The following GABBR2 variants were observed in gnomAD, a reference collection of about 807,000 sequenced individuals.
GABBR2 encodes gamma-aminobutyric acid type B receptor subunit 2.
GABBR2 carries 23 observed loss-of-function variants against 105.6 expected under a neutral mutation model. The observed-to-expected ratio is 0.22, with a 90% CI of 0.16 to 0.31. The LOEUF (loss-of-function observed/expected upper bound fraction) is 0.31. Among genes scored for constraint, GABBR2 ranks in the 10% least tolerant of loss-of-function variants. The pLI is 1.00. For synonymous variants in GABBR2, 478 were observed against 499.7 expected, an observed-to-expected ratio of 0.96 and a Z score of 0.58; for missense variants, 734 against 1,245.5, an observed-to-expected ratio of 0.59 and a Z score of 6.18.
At chr9:98,340,576 T>C (rs1027657956) in intron 13 of GABBR2, among the ~76,000 whole-genome samples, 2 of 152,208 alleles carry the variant, frequency 1.3e-5, no homozygotes, top group African/African-American at 4.8e-5. Flanking sequence ...TGTGTGTTTC[T>C]CTGATAGCAT....
rs1588164787 is a variant in GABBR2 at position 98,445,032 on chromosome 9, A to G, written c.1236+8949T>C. 3.3e-5 allele frequency among the ~76,000 whole-genome samples: 5 copies of G among 152,384 alleles called. No homozygotes were observed. The South Asian group carries it at 1.0e-3, about 32-fold the overall frequency. On this transcript the variant is annotated intron_variant, in intron 7 of 18. Transcript: ENST00000259455. ...AGTTCTGATTATTTATCGGGTTGAAAAAGTCTTTTTAGTTTATAGATGCCT... is the reference window on the plus strand; with the variant it reads ...AGTTCTGATTATTTATCGGGTTGAAGAAGTCTTTTTAGTTTATAGATGCCT...
chr9:98,670,263 G>A (rs545326870), intron 1 of GABBR2, among the ~76,000 whole-genome samples: 3 of 147,542 alleles, frequency 2.0e-5, no homozygotes, highest in Non-Finnish European at 3.0e-5. Flanking sequence ...GAACATTTTC[G>A]TCACCTCAAA....
chr9:98,457,893 G>A lies in GABBR2; in HGVS notation c.1000-3676C>T, dbSNP rs139057880. 1.1e-3 allele frequency among the ~76,000 whole-genome samples: 169 copies of A among 152,292 alleles called. 2 individuals are homozygous for A. The highest frequency in any genetic ancestry group is 3.5e-3 in the African/African-American group (146 of 41,574). The stretch of plus-strand genomic sequence containing the variant: ...TCAAGGCAGAAGAATTTCTTCCATC[G>A]TAAAGCTGACACCGAATGCTGATTA... On this transcript the variant is annotated intron_variant, in intron 6 of 18. Coordinates refer to ENST00000259455, the MANE Select transcript of GABBR2 (RefSeq NM_005458.8).
At chr9:98,329,966 C>A (rs1371903249) in intron 13 of GABBR2, among the ~76,000 whole-genome samples, 1 of 152,038 alleles carries the variant, frequency 6.6e-6, no homozygotes, top group Non-Finnish European at 1.5e-5. Flanking sequence ...ATGTACATAA[C>A]CACAATATTA....
At chr9:98,500,453 G>A (rs1232610575) in intron 3 of GABBR2, among the ~76,000 whole-genome samples, 1 of 152,210 alleles carries the variant, frequency 6.6e-6, no homozygotes, top group African/African-American at 2.4e-5. Flanking sequence ...AGATTGACAG[G>A]GAGTGAGGAG....
At chr9:98,431,485 T>C (rs991472421) in intron 7 of GABBR2, among the ~76,000 whole-genome samples, 2 of 151,596 alleles carry the variant, frequency 1.3e-5, no homozygotes, top group Non-Finnish European at 2.9e-5. Context: ...GAAAAGGTGA[T>C]AGAAAAAAAA....
intron 7 of GABBR2, among the ~76,000 whole-genome samples, chr9:98,409,203 C>T (rs943524202): frequency 1.3e-5 from 2 of 152,150 alleles, no homozygotes; most frequent in African/African-American, 4.8e-5. Context: ...TCACATTGCC[C>T]CCAGAGACCA....
chr9:98,474,846 A>G (rs1826754888), intron 5 of GABBR2, among the ~76,000 whole-genome samples: 1 of 152,174 alleles, frequency 6.6e-6, no homozygotes, highest in Non-Finnish European at 1.5e-5. Context: ...TAACAGTCAG[A>G]GGGGCACTCT....
intron 6 of GABBR2, among the ~76,000 whole-genome samples, chr9:98,464,088 G>A (rs1826485141): frequency 6.6e-6 from 1 of 152,192 alleles, no homozygotes; most frequent in South Asian, 2.1e-4. Flanking sequence ...TCTCTGCCTG[G>A]CAGCCCATCG....
rs973289251 is a variant in GABBR2 at position 98,496,600 on chromosome 9, T to C, written c.631-86A>G. 8.5e-6 allele frequency: 7 copies of C among 822,428 alleles called. No homozygotes were observed. The Admixed American group carries it at 1.1e-4, about 13-fold the overall frequency. 50.9% of individuals were successfully genotyped at this position (822,428 alleles called of 1,614,324 possible). On this transcript the variant is annotated intron_variant, in intron 3 of 18. Transcript: ENST00000259455. Reference sequence around the variant, plus strand: ...GAGGGGTCACCCTGGGGAAGTCAATTGGGCAAAGCGATTTTCTCTACCGAC... The same window carrying C: ...GAGGGGTCACCCTGGGGAAGTCAATCGGGCAAAGCGATTTTCTCTACCGAC...
At chr9:98,549,737 T>A (rs930482573) in intron 2 of GABBR2, among the ~76,000 whole-genome samples, 2 of 152,220 alleles carry the variant, frequency 1.3e-5, no homozygotes, top group Admixed American at 6.5e-5. Flanking sequence ...TTCTCTTTGT[T>A]TTGAGCAGTT....
Position 98,395,953 on chromosome 9 carries a change from C to T in GABBR2, c.1298-1698G>A, listed in dbSNP as rs1202529913. 2.6e-5 allele frequency among the ~76,000 whole-genome samples: 4 copies of T among 152,204 alleles called. No individual in the cohort carries two copies. The East Asian group carries it at 7.7e-4, about 29-fold the overall frequency. On this transcript the variant is annotated intron_variant, in intron 8 of 18. Coordinates refer to ENST00000259455, the MANE Select transcript of GABBR2 (RefSeq NM_005458.8). ...TGTACATTTTCTTGCCTAGCTAAAA[C>T]AGTGTGTGGAGTAGGTGGTCTCAGT... is the stretch of plus-strand genomic sequence containing the variant.
At chr9:98,316,136 C>T (rs187137920) in intron 13 of GABBR2, among the ~76,000 whole-genome samples, 1 of 150,496 alleles carries the variant, frequency 6.6e-6, no homozygotes, top group Admixed American at 6.7e-5. Context: ...GATAGCTGGC[C>T]TGCAAAATTT....
rs1043403694 is a variant in GABBR2 at position 98,687,817 on chromosome 9, C to A, written c.321+20600G>T. On this transcript the variant is annotated intron_variant, in intron 1 of 18. Transcript: ENST00000259455. ...CCACCTACCAATGCCCAACACAGTG[C>A]CTGGCACACAGAGGTCTTGTAATAA... 2.0e-5 allele frequency among the ~76,000 whole-genome samples: 3 copies of A among 152,164 alleles called. No individual in the cohort carries two copies. The South Asian group carries it at 6.2e-4, about 31-fold the overall frequency.
chr9:98,598,089 C>T (rs934183289), intron 1 of GABBR2, among the ~76,000 whole-genome samples: 1 of 152,184 alleles, frequency 6.6e-6, no homozygotes, highest in African/African-American at 2.4e-5. Context: ...TCCCAAAGTG[C>T]TAGGATTACA....
chr9:98,350,371 T>A (rs763262942), intron 13 of GABBR2, among the ~76,000 whole-genome samples: 14 of 152,156 alleles, frequency 9.2e-5, no homozygotes, highest in Non-Finnish European at 1.6e-4. Context: ...ATGTGAGTGT[T>A]AATTGCTATA....
intron 13 of GABBR2, among the ~76,000 whole-genome samples, chr9:98,344,268 A>G (rs947205336): frequency 2.0e-5 from 3 of 152,176 alleles, no homozygotes; most frequent in African/African-American, 7.2e-5. Context: ...TCAGATCCGT[A>G]TGTCCAACAC....
At chr9:98,305,096 A>C (rs1033230103) in intron 15 of GABBR2, among the ~76,000 whole-genome samples, 1 of 151,928 alleles carries the variant, frequency 6.6e-6, no homozygotes, top group Non-Finnish European at 1.5e-5. Flanking sequence ...TTTGAGACTC[A>C]CTTAGGTCAG....
chr9:98,707,794 C>T (rs936835533), intron 1 of GABBR2, among the ~76,000 whole-genome samples: 1 of 152,228 alleles, frequency 6.6e-6, no homozygotes, highest in Non-Finnish European at 1.5e-5. Context: ...TGGCCACAGG[C>T]AGCGCCGGGC....
Sources: gnomAD v4.1 joint callset for allele counts (sites outside exome capture counted in the v4.1 genomes callset) on GRCh38, gnomAD v4.1.1 for gene constraint, MANE v1.5 for transcripts, NCBI Gene and HGNC (gene_info 2026-07-23, HGNC 2026-07-21) for gene names.